CDCP1: variants seen among roughly 807,000 people sequenced by gnomAD.
CDCP1 encodes the protein CUB domain containing protein 1.
A neutral mutation model predicts 60.2 loss-of-function variants in CDCP1; 29 were observed. That is an observed-to-expected ratio of 0.48 (90% CI 0.36 to 0.66). The LOEUF is 0.66. Among genes scored for constraint, CDCP1 ranks in the 30% least tolerant of loss-of-function variants. The pLI is 0.00. For missense variants in CDCP1, 876 were observed against 1,074.3 expected (o/e 0.82, Z 2.58); for synonymous variants, 387 against 431.1 (o/e 0.90, Z 1.27).
At chr3:45,096,238 A>G (rs933684534) in intron 4 of CDCP1, among the ~76,000 whole-genome samples, 1 of 152,234 alleles carries the variant, frequency 6.6e-6, no homozygotes, top group Non-Finnish European at 1.5e-5. Flanking sequence ...GTTTAACTGC[A>G]GCACTGTGAT....
chr3:45,087,746 G>A (rs1430581978), intron 8 of CDCP1, among the ~76,000 whole-genome samples: 1 of 152,200 alleles, frequency 6.6e-6, no homozygotes, highest in African/African-American at 2.4e-5. Context: ...TTGGCTGGGT[G>A]TGGTGGCTCA....
Position 45,093,281 on chromosome 3 carries a change from G to T in CDCP1, c.1623C>A (p.Phe541Leu), listed in dbSNP as rs1214607942. 26 of 1,612,700 alleles carry T rather than the reference G, an allele frequency of 1.6e-5. No individual in the cohort carries two copies. Among genetic ancestry groups the T allele is most frequent in the Non-Finnish European group, 2.2e-5 (26 of 1,179,126 alleles). The change falls in exon 6 of 9, where the codon TTC becomes TTA. Residue 541 changes from phenylalanine to leucine, a missense_variant. This residue lies in a region of CDCP1 where 726 missense variants were observed against 935.7 expected (regional missense o/e 0.78). Transcript: ENST00000296129. ...QGLTVSFIPY[F>L]KEEGVFTVTP... ...GATAGGGGAGACCCCCCTTACCTTT[G>T]AAATAAGGTATAAAGGACACCGTCA... is the stretch of plus-strand genomic sequence containing the variant.
intron 2 of CDCP1, 52 bp from the exon 3 acceptor site, chr3:45,112,497 C>T: frequency 1.3e-6 from 2 of 1,574,868 alleles, no homozygotes; most frequent in South Asian, 1.2e-5. Flanking sequence ...CAAGGCCCCA[C>T]ACCACTCCTC....
intron 1 of CDCP1, among the ~76,000 whole-genome samples, chr3:45,124,286 C>T (rs1041412411): frequency 6.6e-6 from 1 of 152,136 alleles, no homozygotes; most frequent in African/African-American, 2.4e-5. Flanking sequence ...CTGTCAAATA[C>T]AGTTTAAAAG....
chr3:45,144,682 A>G (rs1045546622), intron 1 of CDCP1, among the ~76,000 whole-genome samples: 3 of 152,248 alleles, frequency 2.0e-5, no homozygotes, highest in African/African-American at 2.4e-5. Context: ...TTGTCACAGA[A>G]AGCCAAAAAC....
chr3:45,127,279 T>C (rs1029294269), intron 1 of CDCP1, among the ~76,000 whole-genome samples: 5 of 152,222 alleles, frequency 3.3e-5, no homozygotes, highest in Non-Finnish European at 7.3e-5. Context: ...TTTTGTATTG[T>C]TCTTTTTTGG....
rs865779213 is a variant in CDCP1 at position 45,146,330 on chromosome 3, G to C, written c.-43C>G. ...GCCTCGGTGGGGAAAACGACGGTGG[G>C]GAGCGGCGGCCCCAGGCGCCCAAGC... On this transcript the variant is annotated 5_prime_UTR_variant, in exon 1 of 9. Coordinates refer to ENST00000296129, the MANE Select transcript of CDCP1 (RefSeq NM_022842.5). The C allele has an allele frequency of 6.0e-6, 9 of 1,508,360 alleles. No individual in the cohort carries two copies. The highest frequency in any genetic ancestry group is 3.5e-4 in the Middle Eastern group (2 of 5,718). 93.4% of individuals were successfully genotyped at this position (1,508,360 alleles called of 1,614,324 possible). A position where few individuals can be genotyped will look rare whatever the true frequency, so the allele number is the denominator to read the frequency against.
At chr3:45,099,100 C>T (rs898892060) in intron 4 of CDCP1, among the ~76,000 whole-genome samples, 2 of 150,802 alleles carry the variant, frequency 1.3e-5, no homozygotes, top group African/African-American at 4.9e-5. Flanking sequence ...AGATCCTGGG[C>T]TTCCTGGATC....
intron 2 of CDCP1, among the ~76,000 whole-genome samples, chr3:45,114,079 C>A (rs997318328): frequency 4.5e-4 from 69 of 152,324 alleles, no homozygotes; most frequent in African/African-American, 1.6e-3. Flanking sequence ...ATGCCTGGAC[C>A]ATCCCAGGGA....
intron 1 of CDCP1, among the ~76,000 whole-genome samples, chr3:45,125,913 G>A (rs564684218): frequency 2.2e-4 from 33 of 152,304 alleles, no homozygotes; most frequent in African/African-American, 7.0e-4. Context: ...CACCCTCACT[G>A]AGACCAGAGA....
intron 2 of CDCP1, among the ~76,000 whole-genome samples, chr3:45,118,136 T>C (rs1383625034): frequency 1.3e-5 from 2 of 152,216 alleles, no homozygotes; most frequent in East Asian, 3.8e-4. Context: ...ACCTGGGTTC[T>C]TCTCCTGATC....
At chr3:45,097,507 TAAAA>T (rs375695747) in intron 4 of CDCP1, among the ~76,000 whole-genome samples, 1 of 126,672 alleles carries the variant, frequency 7.9e-6, no homozygotes, top group South Asian at 2.6e-4. Context: ...TTCTTTTGTT[TAAAA>T]AAAAAAAAAA....
intron 6 of CDCP1, 92 bp downstream of exon 6, chr3:45,093,185 C>T: frequency 6.9e-7 from 1 of 1,451,958 alleles, no homozygotes; most frequent in Non-Finnish European, 9.3e-7. Flanking sequence ...CCCTTCTTTC[C>T]AAACTGGCAA....
At chr3:45,105,420 A>G (rs184067204) in intron 4 of CDCP1, among the ~76,000 whole-genome samples, 72 of 152,324 alleles carry the variant, frequency 4.7e-4, no homozygotes, top group Non-Finnish European at 7.8e-4. Flanking sequence ...TAAAAGCCAA[A>G]AAAGGAGCAA....
chr3:45,142,113 G>A lies in CDCP1; in HGVS notation c.82+4093C>T, dbSNP rs551094046. Among the ~76,000 whole-genome samples the A allele has an allele frequency of 5.9e-5, 9 of 152,264 alleles. No homozygotes were observed. The East Asian group carries it at 1.4e-3, about 23-fold the overall frequency. ...ATCCCAAAGTGTTGGGATTACAGGC[G>A]TGAGCCACTGCGCCTGGCTCGGTAT... On this transcript the variant is annotated intron_variant, in intron 1 of 8. Coordinates refer to ENST00000296129, the MANE Select transcript of CDCP1 (RefSeq NM_022842.5).
chr3:45,134,146 T>A (rs1699152790), intron 1 of CDCP1, among the ~76,000 whole-genome samples: 1 of 151,018 alleles, frequency 6.6e-6, no homozygotes, highest in African/African-American at 2.5e-5. Flanking sequence ...ATCTACTTCT[T>A]TCTTTTTTTT....
At chr3:45,108,064 G>A (rs773276682) in intron 4 of CDCP1, among the ~76,000 whole-genome samples, 4 of 151,970 alleles carry the variant, frequency 2.6e-5, no homozygotes, top group Non-Finnish European at 5.9e-5. Context: ...GTTACAGTGA[G>A]CTGAGAGCCG....
intron 1 of CDCP1, among the ~76,000 whole-genome samples, chr3:45,140,556 C>T (rs1464893976): frequency 6.6e-6 from 1 of 152,202 alleles, no homozygotes; most frequent in Non-Finnish European, 1.5e-5. Context: ...AGTCATACTC[C>T]TGGGGCTGCC....
Position 45,110,715 on chromosome 3 carries a change from C to T in CDCP1, c.782G>A (p.Arg261Gln), listed in dbSNP as rs904706335. ...GAAGTTGAGGAAGGAGACGCTGGCC[C>T]GCAGGTGTGCAGGAACGACAAACTG... Reference protein sequence around the residue: ...TWQFVVPAHLRASVSFLNFNL... With the variant: ...TWQFVVPAHLQASVSFLNFNL... The change falls in exon 4 of 9, where the codon CGG becomes CAG. Residue 261 changes from arginine to glutamine, a missense_variant. Physicochemically the swap from Arg to Gln is conservative, Grantham distance 43. Transcript: ENST00000296129. 11 of 1,614,148 alleles carry T rather than the reference C, an allele frequency of 6.8e-6. No homozygotes were observed. The highest frequency in any genetic ancestry group is 1.7e-5 in the Admixed American group (1 of 60,020).
Sources: allele counts gnomAD v4.1 joint callset (sites outside exome capture counted in the v4.1 genomes callset), GRCh38; gene constraint gnomAD v4.1.1; regional missense constraint gnomAD v4.1.1; transcripts MANE v1.5; gene names NCBI Gene and HGNC (gene_info 2026-07-23, HGNC 2026-07-21).